The following CLASP1 variants were observed in gnomAD, a reference collection of about 807,000 sequenced individuals.
The protein encoded by CLASP1 is CLIP-associating protein 1.
In CLASP1, 38 loss-of-function variants were observed where a neutral mutation model predicts 192.3. The ratio of observed to expected loss-of-function variants is 0.20; its 90% CI spans 0.15 to 0.26. The LOEUF is 0.26. CLASP1 is among the 10% of genes least tolerant of loss of function. The pLI is 1.00. For missense variants in CLASP1, 1,433 were observed against 1,932.5 expected (o/e 0.74, Z 4.85); for synonymous variants, 691 against 712.8 (o/e 0.97, Z 0.49).
At chr2:121,412,843 A>G (rs1487490540) in intron 23 of CLASP1, among the ~76,000 whole-genome samples, 3 of 152,220 alleles carry the variant, frequency 2.0e-5, no homozygotes, top group African/African-American at 4.8e-5. Flanking sequence ...TCGCCAGAGC[A>G]AAGTCTGTTC....
At chr2:121,345,357 C>T (rs1211243234) in intron 39 of CLASP1, among the ~76,000 whole-genome samples, 1 of 152,148 alleles carries the variant, frequency 6.6e-6, no homozygotes, top group Non-Finnish European at 1.5e-5. Flanking sequence ...GAGGAGAAAA[C>T]ACCTGGATTT....
intron 2 of CLASP1, among the ~76,000 whole-genome samples, chr2:121,590,874 T>A (rs1489792914): frequency 6.6e-6 from 1 of 151,218 alleles, no homozygotes; most frequent in African/African-American, 2.4e-5. Flanking sequence ...TTGATTTTTT[T>A]TTTTTTTTTT....
At chr2:121,391,729 T>G (rs1248112382) in intron 30 of CLASP1, among the ~76,000 whole-genome samples, 6 of 151,938 alleles carry the variant, frequency 3.9e-5, no homozygotes, top group Non-Finnish European at 5.9e-5. Context: ...ATGGTGAAAC[T>G]CCCGTCTCCA....
At chr2:121,524,284 A>C (rs1335669621) in intron 6 of CLASP1, among the ~76,000 whole-genome samples, 1 of 152,234 alleles carries the variant, frequency 6.6e-6, no homozygotes, top group Non-Finnish European at 1.5e-5. Context: ...TTCCCACGGA[A>C]AACAAAAACA....
Position 121,530,344 on chromosome 2 carries a change from G to A in CLASP1, c.196-19C>T, listed in dbSNP as rs778512058. 3.2e-6 allele frequency: 5 copies of A among 1,544,546 alleles called. No homozygotes were observed. The South Asian group carries it at 6.0e-5, about 18-fold the overall frequency. On this transcript the variant is annotated intron_variant, in intron 2 of 39. Transcript: ENST00000263710. Reference sequence around the variant, plus strand: ...GAACCACCTGCAGCGGGAAACACCGGGAGCCTGTTAGCAGCCGGCCTGCGG... The same window carrying A: ...GAACCACCTGCAGCGGGAAACACCGAGAGCCTGTTAGCAGCCGGCCTGCGG...
chr2:121,606,189 T>C lies in CLASP1; in HGVS notation c.-285-9A>G, dbSNP rs762405581. ...TAATTCAGCAGTCCATTCTGAAAAG[T>C]AAGAGAAGAGAACGACAAATTAGCA... On this transcript the variant is annotated splice_polypyrimidine_tract_variant and intron_variant, in intron 1 of 39. Transcript: ENST00000263710. The C allele has an allele frequency of 4.4e-5, 20 of 455,484 alleles. No homozygotes were observed. The highest frequency in any genetic ancestry group is 6.9e-5 in the Non-Finnish European group (18 of 259,456). 28.2% of individuals were successfully genotyped at this position (455,484 alleles called of 1,614,324 possible).
intron 19 of CLASP1, among the ~76,000 whole-genome samples, chr2:121,446,975 G>A (rs1000006224): frequency 1.3e-5 from 2 of 152,140 alleles, no homozygotes; most frequent in African/African-American, 4.8e-5. Context: ...GAACCTGCTG[G>A]CTCTGCTCCC....
intron 36 of CLASP1, 74 bp from the exon 38 acceptor site, chr2:121,363,374 G>C (rs1433632467): frequency 6.3e-7 from 1 of 1,576,412 alleles, no homozygotes; most frequent in African/African-American, 1.3e-5. Context: ...CAGCAGGGTC[G>C]GCAAGGCCAA....
At position 121,625,521 on chromosome 2, in the gene CLASP1, ACTTCCCAGGTTCAAG is replaced by A. The variant is rs1048489993; in HGVS notation, c.-285-19356_-285-19342del. Among the ~76,000 whole-genome samples the A allele has an allele frequency of 1.0e-4, 14 of 137,222 alleles. No homozygotes were observed. In the South Asian group the frequency reaches 1.5e-3, roughly 15 times the overall value. The allele number at this position is 137,222 out of a possible 152,430, so 90.0% of individuals were successfully genotyped here. On this transcript the variant is annotated intron_variant, in intron 1 of 39. Coordinates refer to ENST00000263710, the Ensembl canonical transcript of CLASP1. ...ACAATCTCGGCTCAATGCAACCTCT[ACTTCCCAGGTTCAAG>A]CGATTCTCCTGCCTCAGCCTCCCAA...
intron 1 of CLASP1, among the ~76,000 whole-genome samples, chr2:121,611,402 A>C (rs2065453361): frequency 7.0e-6 from 1 of 142,830 alleles, no homozygotes; most frequent in East Asian, 2.1e-4. Flanking sequence ...GAACTGGAGG[A>C]GGAGGAGGAG....
chr2:121,513,384 C>T lies in CLASP1; in HGVS notation c.644+2281G>A, dbSNP rs7575289. Among the ~76,000 whole-genome samples the T allele has an allele frequency of 7.2e-4, 110 of 152,230 alleles. 1 individual carries two copies. Among genetic ancestry groups the T allele is most frequent in the African/African-American group, 2.5e-3 (103 of 41,552 alleles). ...GGTAACGTGAGCTAGCAGAAACCCTCATTTCTATTCAGAGGTCCAAGTTCT... is the reference window on the plus strand; with the variant it reads ...GGTAACGTGAGCTAGCAGAAACCCTTATTTCTATTCAGAGGTCCAAGTTCT... On this transcript the variant is annotated intron_variant, in intron 7 of 39. Coordinates refer to ENST00000263710, the Ensembl canonical transcript of CLASP1.
At chr2:121,484,654 T>A (rs982081529) in intron 8 of CLASP1, among the ~76,000 whole-genome samples, 5 of 152,018 alleles carry the variant, frequency 3.3e-5, no homozygotes, top group Admixed American at 6.5e-5. Flanking sequence ...AATGGAAAGA[T>A]ACAAGAGAAC....
chr2:121,465,555 T>A (rs1174111454), intron 9 of CLASP1, among the ~76,000 whole-genome samples: 1 of 152,204 alleles, frequency 6.6e-6, no homozygotes, highest in Non-Finnish European at 1.5e-5. Flanking sequence ...TCCATGCTCA[T>A]GGGTAGGAAG....
intron 1 of CLASP1, among the ~76,000 whole-genome samples, chr2:121,617,993 C>T (rs566287534): frequency 2.0e-5 from 3 of 152,302 alleles, no homozygotes; most frequent in South Asian, 2.1e-4. Context: ...TATATTGGCC[C>T]GGCTATTCTT....
intron 37 of CLASP1, among the ~76,000 whole-genome samples, chr2:121,355,142 T>G (rs2065159736): frequency 6.6e-6 from 1 of 152,032 alleles, no homozygotes; most frequent in Non-Finnish European, 1.5e-5. Context: ...TTTGGTGAAA[T>G]GTATCTATTA....
At chr2:121,358,789 A>C (rs1056820055) in intron 37 of CLASP1, among the ~76,000 whole-genome samples, 6 of 152,240 alleles carry the variant, frequency 3.9e-5, no homozygotes, top group African/African-American at 1.4e-4. Flanking sequence ...CTAAGAATCA[A>C]ACTTCCCAAA....
At position 121,478,954 on chromosome 2, in the gene CLASP1, ACACACACAC is replaced by A. The variant is rs1278809559; in HGVS notation, c.713-9003_713-8995del. Among the ~76,000 whole-genome samples the A allele has an allele frequency of 7.1e-3, 208 of 29,288 alleles. 2 individuals are homozygous for A. The highest frequency in any genetic ancestry group is 0.011 in the Non-Finnish European group (163 of 14,800). The allele number at this position is 29,288 out of a possible 152,430, so 19.2% of individuals were successfully genotyped here. A position where few individuals can be genotyped will look rare whatever the true frequency, so the allele number is the denominator to read the frequency against. On this transcript the variant is annotated intron_variant, in intron 8 of 39. Transcript: ENST00000263710. ...ACAACACCCCCCACACACACACCAC[ACACACACAC>A]CACACACACCACACACACACCACAC...
chr2:121,348,171 C>T (rs1225465584), intron 38 of CLASP1, among the ~76,000 whole-genome samples: 1 of 152,132 alleles, frequency 6.6e-6, no homozygotes, highest in African/African-American at 2.4e-5. Context: ...GTTTGATTTA[C>T]ACTCCATGGT....
chr2:121,379,800 G>A (rs1297876986), intron 33 of CLASP1, among the ~76,000 whole-genome samples: 3 of 152,076 alleles, frequency 2.0e-5, no homozygotes, highest in Non-Finnish European at 4.4e-5. Context: ...TTCTTAACCT[G>A]AACTTTCTTA....
Sources: gnomAD v4.1 joint callset for allele counts (sites outside exome capture counted in the v4.1 genomes callset) on GRCh38, gnomAD v4.1.1 for gene constraint, MANE v1.5 for transcripts, NCBI Gene and HGNC (gene_info 2026-07-23, HGNC 2026-07-21) for gene names.